Variants in BASP1 observed in about 807,000 individuals in gnomAD.
The protein encoded by BASP1 is brain acid soluble protein 1.
BASP1 carries 1 observed loss-of-function variant against 2.2 expected under a neutral mutation model. The observed-to-expected ratio is 0.46, with a 90% CI of 0.16 to 2.17. BASP1 has a LOEUF of 2.17. BASP1 is among the 30% of genes most tolerant of loss of function. The probability of loss-of-function intolerance (pLI) is 0.27; values close to 1 mark genes in which losing one functional copy is unlikely to be tolerated. For synonymous variants in BASP1, 187 were observed against 154.2 expected (o/e 1.21, Z -1.58); for missense variants, 352 against 327.2 (o/e 1.08, Z -0.58).
chr5:17,229,999 G>A (rs142969019), intron 1 of BASP1, among the ~76,000 whole-genome samples: 4 of 152,182 alleles, frequency 2.6e-5, no homozygotes, highest in African/African-American at 9.6e-5. Context: ...TGGCCAGGCT[G>A]GTCTTGAACT....
At chr5:17,239,345 A>G (rs1384972956) in intron 1 of BASP1, among the ~76,000 whole-genome samples, 2 of 152,242 alleles carry the variant, frequency 1.3e-5, no homozygotes, top group Non-Finnish European at 1.5e-5. Context: ...CGCCCGCCTC[A>G]GCCTCCCAAA....
intron 1 of BASP1, among the ~76,000 whole-genome samples, chr5:17,242,525 G>A (rs1030645861): frequency 1.1e-4 from 16 of 152,020 alleles, no homozygotes; most frequent in African/African-American, 3.9e-4. Flanking sequence ...TTTACATTAG[G>A]GTTCCCTCTT....
intron 1 of BASP1, among the ~76,000 whole-genome samples, chr5:17,262,355 G>T (rs929677217): frequency 6.6e-6 from 1 of 152,130 alleles, no homozygotes; most frequent in Non-Finnish European, 1.5e-5. Flanking sequence ...TATCATGATG[G>T]CTAAGAAACC....
At chr5:17,231,799 G>T (rs1215233589) in intron 1 of BASP1, among the ~76,000 whole-genome samples, 1 of 152,214 alleles carries the variant, frequency 6.6e-6, no homozygotes, top group Admixed American at 6.5e-5. Flanking sequence ...AGGCAGGGAT[G>T]TGTCTGTTTT....
chr5:17,263,263 G>A (rs370686683), intron 1 of BASP1, among the ~76,000 whole-genome samples: 9 of 151,962 alleles, frequency 5.9e-5, no homozygotes, highest in African/African-American at 1.9e-4. Context: ...TCTTTATGGG[G>A]TACAAAGTAG....
chr5:17,224,268 G>A (rs752442982), intron 1 of BASP1, among the ~76,000 whole-genome samples: 3 of 152,092 alleles, frequency 2.0e-5, no homozygotes, highest in Non-Finnish European at 2.9e-5. Flanking sequence ...TGTATCTTAC[G>A]GATTCTGGAG....
chr5:17,252,696 A>G (rs1444553913), intron 1 of BASP1, among the ~76,000 whole-genome samples: 1 of 152,216 alleles, frequency 6.6e-6, no homozygotes, highest in East Asian at 1.9e-4. Flanking sequence ...CCCAATCTTA[A>G]AAAGTTCCCA....
At chr5:17,253,428 G>A (rs541279407) in intron 1 of BASP1, among the ~76,000 whole-genome samples, 4 of 152,094 alleles carry the variant, frequency 2.6e-5, no homozygotes, top group Admixed American at 2.0e-4. Flanking sequence ...TCCCAGGCTG[G>A]TCTGGAACCC....
chr5:17,273,291 T>A (rs1050224304), intron 1 of BASP1, among the ~76,000 whole-genome samples: 3 of 152,178 alleles, frequency 2.0e-5, no homozygotes, highest in African/African-American at 7.2e-5. Flanking sequence ...TTTAATTGTA[T>A]TTTTTGCCAT....
intron 1 of BASP1, among the ~76,000 whole-genome samples, chr5:17,225,624 G>A (rs370636209): frequency 3.3e-5 from 5 of 152,172 alleles, no homozygotes; most frequent in African/African-American, 1.2e-4. Context: ...TGAAAAGAAC[G>A]CCAGCTGGCT....
chr5:17,258,366 G>A (rs953427417), intron 1 of BASP1, among the ~76,000 whole-genome samples: 3 of 152,184 alleles, frequency 2.0e-5, no homozygotes, highest in African/African-American at 7.2e-5. Context: ...CACTGCAAAT[G>A]CTATGTATAT....
At chr5:17,223,559 G>A (rs192601943) in intron 1 of BASP1, among the ~76,000 whole-genome samples, 11 of 152,296 alleles carry the variant, frequency 7.2e-5, no homozygotes, top group South Asian at 2.1e-4. Flanking sequence ...CGCTAAATAC[G>A]TCAGTAGTTC....
At position 17,258,011 on chromosome 5, in the gene BASP1, C is replaced by T. The variant is rs536726563; in HGVS notation, c.-9-17197C>T. Among the ~76,000 whole-genome samples the T allele has an allele frequency of 2.9e-3, 434 of 152,262 alleles. 4 individuals are homozygous for T. Among genetic ancestry groups the T allele is most frequent in the Middle Eastern group, 0.01 (3 of 294 alleles). On this transcript the variant is annotated intron_variant, in intron 1 of 1. Coordinates refer to ENST00000322611, the MANE Select transcript of BASP1 (RefSeq NM_006317.5). Reference sequence around the variant, plus strand: ...AATTGCTCACACTGCTCTTGCTTTTCCATACAGGCTGCTTATATCTTGCCT... The same window carrying T: ...AATTGCTCACACTGCTCTTGCTTTTTCATACAGGCTGCTTATATCTTGCCT...
At chr5:17,217,097 T>TGAGAGAGTGAGA (rs1224670797), upstream of BASP1, 216 of 90,796 alleles carry the variant, frequency 2.4e-3, 2 homozygotes, top group African/African-American at 0.012. Flanking sequence ...AGAGAGAGAG[T>TGAGAGAGTGAGA]GAGTGAGAGA....
At chr5:17,261,799 A>G (rs2126514698) in intron 1 of BASP1, among the ~76,000 whole-genome samples, 1 of 152,190 alleles carries the variant, frequency 6.6e-6, no homozygotes, top group East Asian at 1.9e-4. Context: ...AATCCTTGTA[A>G]ACAAATAAAA....
intron 1 of BASP1, among the ~76,000 whole-genome samples, chr5:17,218,863 AGGCTCCTTATCTGCGTCCCC>A (rs1356710078): frequency 1.3e-5 from 2 of 151,740 alleles, no homozygotes; most frequent in Non-Finnish European, 2.9e-5. Context: ...ACGCTTGGCC[AGGCTCCTTATCTGCGTCCCC>A]AGAGACATTT....
chr5:17,237,133 T>C (rs1374905847), intron 1 of BASP1, among the ~76,000 whole-genome samples: 1 of 152,010 alleles, frequency 6.6e-6, no homozygotes, highest in Non-Finnish European at 1.5e-5. Flanking sequence ...ATCACGAGGT[T>C]AGGAGATCCA....
At chr5:17,249,180 A>G (rs1329613061) in intron 1 of BASP1, among the ~76,000 whole-genome samples, 1 of 152,078 alleles carries the variant, frequency 6.6e-6, no homozygotes, top group East Asian at 1.9e-4. Context: ...GCAGAGCCCA[A>G]CGCAGGAACC....
chr5:17,261,910 A>G (rs1295485213), intron 1 of BASP1, among the ~76,000 whole-genome samples: 1 of 152,140 alleles, frequency 6.6e-6, no homozygotes, highest in Non-Finnish European at 1.5e-5. Context: ...GAGCCCTTTC[A>G]AAGAGGCAGG....
Sources: gnomAD v4.1 joint callset for allele counts (sites outside exome capture counted in the v4.1 genomes callset) on GRCh38, gnomAD v4.1.1 for gene constraint, MANE v1.5 for transcripts, NCBI Gene and HGNC (gene_info 2026-07-23, HGNC 2026-07-21) for gene names.